UNC5B: variants seen among roughly 807,000 people sequenced by gnomAD.
UNC5B encodes unc-5 netrin receptor B.
UNC5B carries 56 observed loss-of-function variants against 103.7 expected under a neutral mutation model. The observed-to-expected ratio is 0.54, with a 90% CI of 0.44 to 0.67. UNC5B has a LOEUF of 0.67. UNC5B is among the 30% of genes least tolerant of loss of function. The probability of loss-of-function intolerance (pLI) is 0.00; values close to 1 mark genes in which losing one functional copy is unlikely to be tolerated. For synonymous variants in UNC5B, 577 were observed against 542.0 expected (o/e 1.06, Z -0.90); for missense variants, 1,194 against 1,284.5 (o/e 0.93, Z 1.08).
In UNC5B at chr10:71,299,115, C is replaced by G; in HGVS notation, c.2676C>G (p.Tyr892Ter). The G allele has an allele frequency of 6.2e-7, 1 of 1,614,192 alleles. No individual in the cohort carries two copies. Among genetic ancestry groups the G allele is most frequent in the Non-Finnish European group, 8.5e-7 (1 of 1,180,026 alleles). ...MLAQKLSMDR[Y>*]LNYFATKASP... is the part of the protein sequence containing the mutation. ...GTGCCCTCCTTCCCTCTGCCAGGTACCTGAATTACTTTGCCACCAAAGCGA... is the reference window on the plus strand; with the variant it reads ...GTGCCCTCCTTCCCTCTGCCAGGTAGCTGAATTACTTTGCCACCAAAGCGA... Residue 892 changes from tyrosine (Y) to a stop codon, truncating the protein, a stop_gained, in exon 17 of 17, where the codon TAC becomes TAG. Coordinates refer to ENST00000335350, the MANE Select transcript of UNC5B (RefSeq NM_170744.5). LOFTEE classifies it high-confidence loss of function.
At chr10:71,271,776 C>T (rs1464556691) in intron 1 of UNC5B, among the ~76,000 whole-genome samples, 1 of 152,246 alleles carries the variant, frequency 6.6e-6, no homozygotes, top group Non-Finnish European at 1.5e-5. Flanking sequence ...CTTCAGGATG[C>T]AGGCCCCTGC....
chr10:71,286,569 C>T lies in UNC5B; in HGVS notation c.553-120C>T, dbSNP rs537569189. On this transcript the variant is annotated intron_variant, in intron 4 of 16. Transcript: ENST00000335350. Reference sequence around the variant, plus strand: ...CTGTACAGTGTCCAGTGCTATAGTCCCACCAAGGCCCTGCCTCACTGCCAC... The same window carrying T: ...CTGTACAGTGTCCAGTGCTATAGTCTCACCAAGGCCCTGCCTCACTGCCAC... The T allele has an allele frequency of 9.3e-6, 12 of 1,287,800 alleles. No homozygotes were observed. In the African/African-American group the frequency reaches 1.6e-4, roughly 17 times the overall value. The allele number at this position is 1,287,800 out of a possible 1,614,324, so 79.8% of individuals were successfully genotyped here. A position where few individuals can be genotyped will look rare whatever the true frequency, so the allele number is the denominator to read the frequency against.
At chr10:71,248,646 G>A (rs565142398) in intron 1 of UNC5B, among the ~76,000 whole-genome samples, 22 of 152,216 alleles carry the variant, frequency 1.4e-4, no homozygotes, top group African/African-American at 4.1e-4. Context: ...TGCACTCACC[G>A]TTCTTAAGAA....
chr10:71,255,850 CCAA>C (rs1206130971), intron 1 of UNC5B, among the ~76,000 whole-genome samples: 2 of 152,192 alleles, frequency 1.3e-5, no homozygotes, highest in Non-Finnish European at 2.9e-5. Flanking sequence ...CTGTCTCTGT[CCAA>C]CAACAAAAGG....
intron 1 of UNC5B, among the ~76,000 whole-genome samples, chr10:71,244,186 C>G (rs543952631): frequency 2.6e-5 from 4 of 152,252 alleles, no homozygotes; most frequent in African/African-American, 9.6e-5. Flanking sequence ...CTGCACAACA[C>G]GCCCACAACA....
intron 1 of UNC5B, among the ~76,000 whole-genome samples, chr10:71,224,221 G>A (rs1178896059): frequency 1.3e-5 from 2 of 150,680 alleles, no homozygotes; most frequent in African/African-American, 4.9e-5. Context: ...TCCCACTTCT[G>A]TATGTAGACA....
At chr10:71,223,283 T>TG (rs1172047937) in intron 1 of UNC5B, among the ~76,000 whole-genome samples, 1 of 152,186 alleles carries the variant, frequency 6.6e-6, no homozygotes, top group Non-Finnish European at 1.5e-5. Flanking sequence ...AATGGATGAA[T>TG]GAGAACTCAT....
intron 1 of UNC5B, among the ~76,000 whole-genome samples, chr10:71,278,306 A>G (rs1234554224): frequency 1.3e-5 from 2 of 152,204 alleles, no homozygotes; most frequent in Non-Finnish European, 2.9e-5. Flanking sequence ...TGTTTGTCTC[A>G]TCCTCAGAGC....
intron 1 of UNC5B, among the ~76,000 whole-genome samples, chr10:71,237,297 TC>T: frequency 6.6e-6 from 1 of 152,212 alleles, no homozygotes; most frequent in Admixed American, 6.5e-5. Context: ...AACCACGTGT[TC>T]CTGGACAGTT....
In UNC5B at chr10:71,292,447, T is replaced by C. The variant is rs772089080; in HGVS notation, c.1685-20T>C. On this transcript the variant is annotated intron_variant, in intron 10 of 16. Transcript: ENST00000335350. ...TCTCCTAAGCTCCTGGACTCCCTGCTGACTTCCCTCTCCCCCTAGGGGTCA... is the reference window on the plus strand; with the variant it reads ...TCTCCTAAGCTCCTGGACTCCCTGCCGACTTCCCTCTCCCCCTAGGGGTCA... The C allele has an allele frequency of 1.3e-6, 2 of 1,575,366 alleles. No homozygotes were observed. The highest frequency in any genetic ancestry group is 4.6e-5 in the East Asian group (2 of 43,816).
At chr10:71,243,168 G>A (rs1564713233) in intron 1 of UNC5B, among the ~76,000 whole-genome samples, 1 of 152,162 alleles carries the variant, frequency 6.6e-6, no homozygotes, top group Non-Finnish European at 1.5e-5. Flanking sequence ...CCAGGAGGCG[G>A]AGGTTGCAGT....
chr10:71,290,728 C>G (rs1408185102), intron 8 of UNC5B, among the ~76,000 whole-genome samples, 187 bp from the exon 9 acceptor site: 1 of 152,194 alleles, frequency 6.6e-6, no homozygotes, highest in Non-Finnish European at 1.5e-5. Flanking sequence ...GACTTCGAGC[C>G]CATTTTACCG....
At chr10:71,250,744 C>A (rs117102849) in intron 1 of UNC5B, among the ~76,000 whole-genome samples, 1 of 152,288 alleles carries the variant, frequency 6.6e-6, no homozygotes, top group East Asian at 1.9e-4. Flanking sequence ...GCAGTGGTTT[C>A]CTGAAGGGTT....
Position 71,222,524 on chromosome 10 carries a change from A to ACC in UNC5B, c.79+9465_79+9466dup, listed in dbSNP as rs11442375. Among the ~76,000 whole-genome samples, 30 of 151,868 alleles carry ACC rather than the reference A, an allele frequency of 2.0e-4. 1 individual carries two copies. The Middle Eastern group carries it at 0.014, about 69-fold the overall frequency. On this transcript the variant is annotated intron_variant, in intron 1 of 16. Coordinates refer to ENST00000335350, the MANE Select transcript of UNC5B (RefSeq NM_170744.5). The stretch of plus-strand genomic sequence containing the variant: ...TCCCTTCTCTTCCTGCCCCTCCTCC[A>ACC]CCCCCCGATTTGGCTGACCTCTGGA...
chr10:71,269,349 C>CCCT (rs1391082154), intron 1 of UNC5B, among the ~76,000 whole-genome samples: 5 of 142,604 alleles, frequency 3.5e-5, no homozygotes, highest in Non-Finnish European at 6.2e-5. Context: ...GAAGTCCCCC[C>CCCT]CCCACAACTT....
intron 1 of UNC5B, among the ~76,000 whole-genome samples, chr10:71,278,402 C>T (rs1844824922): frequency 6.6e-6 from 1 of 152,316 alleles, no homozygotes; most frequent in African/African-American, 2.4e-5. Flanking sequence ...CTGGGCCCTA[C>T]AGAACATGCT....
chr10:71,265,920 A>G (rs1421452714), intron 1 of UNC5B, among the ~76,000 whole-genome samples: 1 of 152,064 alleles, frequency 6.6e-6, no homozygotes, highest in Non-Finnish European at 1.5e-5. Flanking sequence ...GCCTCTAGCT[A>G]TCTCTGTGAG....
intron 1 of UNC5B, among the ~76,000 whole-genome samples, chr10:71,256,923 G>A (rs1458723766): frequency 6.6e-6 from 1 of 152,224 alleles, no homozygotes; most frequent in Non-Finnish European, 1.5e-5. Flanking sequence ...GAGTGGAGAG[G>A]AAGACCTTGG....
intron 1 of UNC5B, among the ~76,000 whole-genome samples, chr10:71,230,743 T>C (rs1843666115): frequency 6.6e-6 from 1 of 152,232 alleles, no homozygotes; most frequent in Non-Finnish European, 1.5e-5. Flanking sequence ...CTGTCTGGCC[T>C]TTCATGGGTT....
Sources: gnomAD v4.1 joint callset for allele counts (sites outside exome capture counted in the v4.1 genomes callset) on GRCh38, gnomAD v4.1.1 for gene constraint, MANE v1.5 for transcripts, NCBI Gene and HGNC (gene_info 2026-07-23, HGNC 2026-07-21) for gene names.